Variants in SH2B1 observed in about 807,000 individuals in gnomAD.
SH2B1 encodes the protein SH2B adaptor protein 1.
A neutral mutation model predicts 62.6 loss-of-function variants in SH2B1; 15 were observed. That is an observed-to-expected ratio of 0.24 (90% CI 0.16 to 0.37). The LOEUF is 0.37. Ranked by LOEUF, SH2B1 falls within the 10% of genes least tolerant of loss-of-function variation. The pLI is 1.00. For synonymous variants in SH2B1, 443 were observed against 438.0 expected (o/e 1.01, Z -0.14); for missense variants, 925 against 1,015.6 (o/e 0.91, Z 1.21).
At chr16:28,852,941 CATATATATTTTATATATGTACAT>C (rs1962211004) in intron 1 of SH2B1, among the ~76,000 whole-genome samples, 1 of 48,134 alleles carries the variant, frequency 2.1e-5, no homozygotes, top group Non-Finnish European at 4.6e-5. Flanking sequence ...TATATATGTA[CATATATATTTTATATATGTACAT>C]ATATATGTAC....
chr16:28,852,829 TATA>T (rs1962193573), intron 1 of SH2B1, among the ~76,000 whole-genome samples: 5 of 27,368 alleles, frequency 1.8e-4, no homozygotes, highest in African/African-American at 8.6e-4. Context: ...CATATATATT[TATA>T]TATATATACA....
chr16:28,869,964 C>T (rs1367064714), intron 4 of SH2B1, among the ~76,000 whole-genome samples: 1 of 152,224 alleles, frequency 6.6e-6, no homozygotes, highest in Non-Finnish European at 1.5e-5. Context: ...TGAATGAACA[C>T]ATGAATCATG....
intron 1 of SH2B1, among the ~76,000 whole-genome samples, chr16:28,852,046 GAC>G (rs1255430632): frequency 6.7e-6 from 1 of 148,330 alleles, no homozygotes; most frequent in Non-Finnish European, 1.5e-5. Flanking sequence ...CAACCTGGGC[GAC>G]AGAGTGAGAC....
Position 28,871,935 on chromosome 16 carries a change from C to A in SH2B1, c.1465C>A (p.Pro489Thr). 1 of 1,605,358 alleles carries A rather than the reference C, an allele frequency of 6.2e-7. No individual in the cohort carries two copies. The highest frequency in any genetic ancestry group is 8.5e-7 in the Non-Finnish European group (1 of 1,173,070). The change falls in exon 5 of 8, where the codon CCC becomes ACC. Residue 489 changes from proline to threonine, a missense_variant. Around this residue, in one of 3 missense-constraint regions of SH2B1, gnomAD observed 683 missense variants for 704.0 expected, o/e 0.97. Transcript: ENST00000684370. ...EEGPPTGTVH[P>T]LSAPYPPLDT... ...GGGACCCCCAACAGGGACAGTTCATCCCCTCTCAGCCCCCTACCCTCCCTT... is the reference window on the plus strand; with the variant it reads ...GGGACCCCCAACAGGGACAGTTCATACCCTCTCAGCCCCCTACCCTCCCTT...
At chr16:28,860,497 C>T (rs1485831551), upstream of SH2B1, among the ~76,000 whole-genome samples, 1 of 152,046 alleles carries the variant, frequency 6.6e-6, no homozygotes, top group African/African-American at 2.4e-5. Flanking sequence ...CCTGCCTTGG[C>T]CTCCCAAAGT....
chr16:28,860,455 C>T (rs963518159), upstream of SH2B1, among the ~76,000 whole-genome samples: 2 of 151,942 alleles, frequency 1.3e-5, no homozygotes, highest in African/African-American at 2.4e-5. Flanking sequence ...GTTGGCCAGG[C>T]GGGTCTCAAA....
chr16:28,872,141 G>C lies in SH2B1; in HGVS notation c.1514-49G>C. 1 of 1,566,936 alleles carries C rather than the reference G, an allele frequency of 6.4e-7. No homozygotes were observed. Among genetic ancestry groups the C allele is most frequent in the Non-Finnish European group, 8.7e-7 (1 of 1,143,618 alleles). On this transcript the variant is annotated intron_variant, in intron 5 of 7. Transcript: ENST00000684370. The surrounding 1 kb of genome is among the most constrained non-coding windows in gnomAD (Gnocchi z 5.3). Reference sequence around the variant, plus strand: ...GCAAGGCTTTTTTCTCCCAGGATGGGGGAGGCTGCCCTGACACCCCGGTTT... The same window carrying C: ...GCAAGGCTTTTTTCTCCCAGGATGGCGGAGGCTGCCCTGACACCCCGGTTT...
Position 28,863,883 on chromosome 16 carries a change from A to G in SH2B1, c.-2212A>G, listed in dbSNP as rs11864750. On this transcript the variant is annotated 5_prime_UTR_variant, in exon 1 of 8. Transcript: ENST00000684370. ...CTCGTCGCGTAGTGGGTGGGGGCGCAGGGAGCGGGAGCCGCCGCCGCCGCC... is the reference window on the plus strand; with the variant it reads ...CTCGTCGCGTAGTGGGTGGGGGCGCGGGGAGCGGGAGCCGCCGCCGCCGCC... 5.8e-5 allele frequency: 87 copies of G among 1,508,228 alleles called. No individual in the cohort carries two copies. Among genetic ancestry groups the G allele is most frequent in the Non-Finnish European group, 7.5e-5 (85 of 1,134,370 alleles). 93.4% of individuals were successfully genotyped at this position (1,508,228 alleles called of 1,614,324 possible).
At chr16:28,867,229 T>C (rs985318954) in intron 1 of SH2B1, 102 bp from the exon 2 acceptor site, 53 of 1,245,784 alleles carry the variant, frequency 4.3e-5, no homozygotes, top group Non-Finnish European at 5.6e-5. Context: ...GCCTTTTGTC[T>C]AACTTCCCGA....
chr16:28,863,809 C>T, upstream of SH2B1: 1 of 1,535,344 alleles, frequency 6.5e-7, no homozygotes, highest in South Asian at 1.2e-5. Context: ...TCTCTTCCTT[C>T]AGCGACGGGA....
At chr16:28,854,612 T>G (rs886741958) in intron 1 of SH2B1, among the ~76,000 whole-genome samples, 2 of 151,936 alleles carry the variant, frequency 1.3e-5, no homozygotes, top group African/African-American at 4.8e-5. Flanking sequence ...AAAAATTAGC[T>G]GGGCATGGTA....
chr16:28,870,404 C>CGAGGA (rs1308497698), intron 4 of SH2B1, among the ~76,000 whole-genome samples: 1 of 152,016 alleles, frequency 6.6e-6, no homozygotes, highest in South Asian at 2.1e-4. Flanking sequence ...ACTGCGACGC[C>CGAGGA]GAGGAGAGGA....
rs1962566039 is a variant in SH2B1 at position 28,864,280 on chromosome 16, A to G, written c.-1815A>G. Reference sequence around the variant, plus strand: ...GCCAGGAGGCAGGTGCACCGGGAAAATGTGTCTGAGTCCTGCTTGGCAGAA... The same window carrying G: ...GCCAGGAGGCAGGTGCACCGGGAAAGTGTGTCTGAGTCCTGCTTGGCAGAA... On this transcript the variant is annotated 5_prime_UTR_variant, in exon 1 of 8. The change abolishes an upstream ATG in the 5' untranslated region. Transcript: ENST00000684370. 2 of 1,001,650 alleles carry G rather than the reference A, an allele frequency of 2.0e-6. No individual in the cohort carries two copies. The highest frequency in any genetic ancestry group is 2.4e-6 in the Non-Finnish European group (2 of 839,870). The allele number at this position is 1,001,650 out of a possible 1,614,324, so 62.0% of individuals were successfully genotyped here.
intron 1 of SH2B1, among the ~76,000 whole-genome samples, chr16:28,854,328 T>C (rs1426304112): frequency 1.3e-5 from 2 of 151,952 alleles, no homozygotes; most frequent in Non-Finnish European, 2.9e-5. Flanking sequence ...AAATAAAATA[T>C]TGACCATAAA....
At position 28,852,350 on chromosome 16, in the gene SH2B1, ATT is replaced by A. The variant is rs1452489370; in HGVS notation, c.-301+5525_-301+5526del. 3.2e-4 allele frequency among the ~76,000 whole-genome samples: 26 copies of A among 82,336 alleles called. 1 individual carries two copies. Among genetic ancestry groups the A allele is most frequent in the African/African-American group, 1.3e-3 (23 of 17,698 alleles). The allele number at this position is 82,336 out of a possible 152,430, so 54.0% of individuals were successfully genotyped here. A position where few individuals can be genotyped will look rare whatever the true frequency, so the allele number is the denominator to read the frequency against. ...TATTTACATATATATTTACATATATATTTATATATATATTTATATATATTTAC... is the reference window on the plus strand; with the variant it reads ...TATTTACATATATATTTACATATATATATATATATATTTATATATATTTAC... On this transcript the variant is annotated intron_variant, in intron 1 of 10. Coordinates refer to the SH2B1 transcript ENST00000322610.
At chr16:28,867,551 T>C (rs1962785855) in intron 2 of SH2B1, 119 bp downstream of exon 2, 2 of 745,808 alleles carry the variant, frequency 2.7e-6, no homozygotes, top group Non-Finnish European at 4.8e-6. Context: ...GCCTTGAGAG[T>C]GTGTCCCTGG....
At chr16:28,855,647 A>ATTAT (rs1962304098) in intron 1 of SH2B1, among the ~76,000 whole-genome samples, 1 of 144,994 alleles carries the variant, frequency 6.9e-6, no homozygotes, top group South Asian at 2.2e-4. Flanking sequence ...TTATTTATTT[A>ATTAT]TTTTTTTTTT....
chr16:28,865,382 G>A lies in SH2B1; in HGVS notation c.-713G>A, dbSNP rs563349382. Reference sequence around the variant, plus strand: ...ATGCATCCATCCTCATTAATGAATCGGCCCCCTCCAAAGAGTTGGACCCTA... The same window carrying A: ...ATGCATCCATCCTCATTAATGAATCAGCCCCCTCCAAAGAGTTGGACCCTA... On this transcript the variant is annotated 5_prime_UTR_variant, in exon 1 of 8. Transcript: ENST00000684370. 1.8e-5 allele frequency: 18 copies of A among 985,588 alleles called. No individual in the cohort carries two copies. In the African/African-American group the frequency reaches 2.4e-4, roughly 13 times the overall value. 61.1% of individuals were successfully genotyped at this position (985,588 alleles called of 1,614,324 possible).
At chr16:28,857,462 C>T (rs916595268) in intron 1 of SH2B1, among the ~76,000 whole-genome samples, 1 of 152,050 alleles carries the variant, frequency 6.6e-6, no homozygotes, top group African/African-American at 2.4e-5. Flanking sequence ...TACCACTGAA[C>T]TGTACACTTA....
Sources: allele counts gnomAD v4.1 joint callset (sites outside exome capture counted in the v4.1 genomes callset), GRCh38; gene constraint gnomAD v4.1.1; regional missense constraint gnomAD v4.1.1; non-coding constraint Gnocchi (gnomAD v3.1); transcripts MANE v1.5; gene names NCBI Gene and HGNC (gene_info 2026-07-23, HGNC 2026-07-21).